SLC4A4: variants seen among roughly 807,000 people sequenced by gnomAD.
SLC4A4 encodes solute carrier family 4 member 4.
Under a neutral mutation model 111.5 loss-of-function variants are expected in SLC4A4, and 27 were observed. The ratio of observed to expected loss-of-function variants is 0.24; its 90% CI spans 0.18 to 0.33. The LOEUF is 0.33. SLC4A4 is among the 10% of genes least tolerant of loss of function. SLC4A4 has a pLI of 1.00. For synonymous variants in SLC4A4, 443 were observed against 463.4 expected, an observed-to-expected ratio of 0.96 and a Z score of 0.57; for missense variants, 909 against 1,315.5, an observed-to-expected ratio of 0.69 and a Z score of 4.78.
intron 20 of SLC4A4, among the ~76,000 whole-genome samples, chr4:71,551,652 T>C (rs28382270): frequency 1.4e-3 from 217 of 152,076 alleles, no homozygotes; most frequent in Non-Finnish European, 2.6e-3. Flanking sequence ...CCTCAGGGTT[T>C]ACAACCATTT....
At chr4:71,252,921 T>C (rs2149057934) in intron 2 of SLC4A4, among the ~76,000 whole-genome samples, 1 of 152,254 alleles carries the variant, frequency 6.6e-6, no homozygotes, top group African/African-American at 2.4e-5. Flanking sequence ...GTAAAGGTGA[T>C]TTTAAAATGC....
At chr4:71,454,081 G>T (rs1184048369) in intron 12 of SLC4A4, among the ~76,000 whole-genome samples, 1 of 152,152 alleles carries the variant, frequency 6.6e-6, no homozygotes, top group East Asian at 1.9e-4. Flanking sequence ...TGAGCAAATA[G>T]CTTCCAACCA....
chr4:71,339,467 C>T lies in SLC4A4; in HGVS notation c.351C>T (p.Ala117=), dbSNP rs773602702. The change falls in exon 4 of 26, where the codon GCC becomes GCT. Residue 117 remains alanine (A), a synonymous_variant. Transcript: ENST00000264485. The part of the protein sequence containing the change: ...QLFTELDELL[A]VDGQEMEWKE... ...TCACGGAACTGGATGAGCTGCTGGCCGTGGATGGGCAGGAGATGGAGTGGA... is the reference window on the plus strand; with the variant it reads ...TCACGGAACTGGATGAGCTGCTGGCTGTGGATGGGCAGGAGATGGAGTGGA... 12 of 1,613,816 alleles carry T rather than the reference C, an allele frequency of 7.4e-6. No homozygotes were observed. Among genetic ancestry groups the T allele is most frequent in the East Asian group, 2.2e-5 (1 of 44,874 alleles).
intron 1 of SLC4A4, among the ~76,000 whole-genome samples, chr4:71,217,128 G>A (rs2602105): frequency 0.028 from 4,188 of 152,252 alleles, 200 homozygotes; most frequent in African/African-American, 0.095. Flanking sequence ...GATTTGCTTT[G>A]ACATTAAAGT....
chr4:71,508,128 A>G (rs988681968), intron 16 of SLC4A4, among the ~76,000 whole-genome samples: 1 of 152,192 alleles, frequency 6.6e-6, no homozygotes, highest in Non-Finnish European at 1.5e-5. Context: ...CCCACATCAA[A>G]AAGCTAGAAA....
At chr4:71,247,621 T>G (rs1188855161) in intron 2 of SLC4A4, among the ~76,000 whole-genome samples, 3 of 152,124 alleles carry the variant, frequency 2.0e-5, no homozygotes, top group Non-Finnish European at 4.4e-5. Flanking sequence ...ACCACTGAAT[T>G]AGCTATTGTT....
chr4:71,296,531 T>C (rs1560387296), intron 3 of SLC4A4, among the ~76,000 whole-genome samples: 2 of 152,146 alleles, frequency 1.3e-5, no homozygotes, highest in Admixed American at 6.5e-5. Flanking sequence ...GTGTATTTTT[T>C]TGGGGGGGAA....
intron 2 of SLC4A4, among the ~76,000 whole-genome samples, chr4:71,109,405 G>A (rs554047815): frequency 1.3e-5 from 2 of 150,078 alleles, no homozygotes; most frequent in South Asian, 4.3e-4. Flanking sequence ...AGGGAGAGAG[G>A]CTTGCAACAA....
In SLC4A4 at chr4:71,155,796, G is replaced by GT. The variant is rs143722315; in HGVS notation, c.-2+63010dup. ...TCCTCTGTATTTCTGTTTTATTGTT[G>GT]TTTTTTGTATGAATTTATCAGAATA... On this transcript the variant is annotated intron_variant, in intron 2 of 26. Transcript: ENST00000649996. 5.3e-3 allele frequency among the ~76,000 whole-genome samples: 804 copies of GT among 152,138 alleles called. 9 individuals are homozygous for GT. Among genetic ancestry groups the GT allele is most frequent in the African/African-American group, 0.018 (764 of 41,518 alleles).
At chr4:71,143,398 G>C (rs142112148) in intron 2 of SLC4A4, among the ~76,000 whole-genome samples, 2 of 152,056 alleles carry the variant, frequency 1.3e-5, no homozygotes, top group African/African-American at 4.8e-5. Flanking sequence ...GAATAGTGCC[G>C]CAGTAGACAT....
intron 24 of SLC4A4, among the ~76,000 whole-genome samples, chr4:71,564,660 T>C (rs998661406): frequency 6.6e-6 from 1 of 152,044 alleles, no homozygotes. Context: ...TGCATCCTTT[T>C]AGATTCAGAT....
At chr4:71,354,479 G>T (rs1241625729) in intron 5 of SLC4A4, among the ~76,000 whole-genome samples, 1 of 152,140 alleles carries the variant, frequency 6.6e-6, no homozygotes, top group African/African-American at 2.4e-5. Flanking sequence ...CATCAGAAAT[G>T]GAATTGCCCA....
chr4:71,127,273 G>A (rs1743585898), intron 2 of SLC4A4, among the ~76,000 whole-genome samples: 1 of 152,140 alleles, frequency 6.6e-6, no homozygotes, highest in South Asian at 2.1e-4. Context: ...ATGCTAGCGA[G>A]GGGTCCTGAA....
intron 7 of SLC4A4, among the ~76,000 whole-genome samples, chr4:71,422,838 C>T (rs1722687595): frequency 6.6e-6 from 1 of 152,114 alleles, no homozygotes; most frequent in African/African-American, 2.4e-5. Flanking sequence ...GGATGTATTT[C>T]AAAATAATAA....
chr4:71,282,295 G>T (rs1359015357), intron 3 of SLC4A4, among the ~76,000 whole-genome samples: 1 of 149,840 alleles, frequency 6.7e-6, no homozygotes, highest in African/African-American at 2.5e-5. Flanking sequence ...CCCTAAAGAT[G>T]ATTTTTTTTT....
At chr4:71,378,076 GA>G (rs1732584619) in intron 6 of SLC4A4, among the ~76,000 whole-genome samples, 1 of 152,136 alleles carries the variant, frequency 6.6e-6, no homozygotes. Context: ...CAGTCCCCAT[GA>G]TTCAATTACC....
intron 14 of SLC4A4, among the ~76,000 whole-genome samples, chr4:71,479,445 T>C (rs771364764): frequency 1.3e-5 from 2 of 151,744 alleles, no homozygotes; most frequent in Non-Finnish European, 2.9e-5. Flanking sequence ...TGCAACAATA[T>C]GTTATAGCCA....
intron 7 of SLC4A4, among the ~76,000 whole-genome samples, chr4:71,439,454 A>AAAAG (rs1724491499): frequency 6.9e-6 from 1 of 144,724 alleles, no homozygotes; most frequent in Non-Finnish European, 1.5e-5. Context: ...AAAAAAAAAA[A>AAAAG]AAAAAAAAAA....
chr4:71,159,670 G>C (rs767709263), intron 2 of SLC4A4, among the ~76,000 whole-genome samples: 15 of 152,076 alleles, frequency 9.9e-5, no homozygotes, highest in Non-Finnish European at 1.9e-4. Context: ...AGCTAACTTG[G>C]GTAAATATTT....
Sources: allele counts gnomAD v4.1 joint callset (sites outside exome capture counted in the v4.1 genomes callset), GRCh38; gene constraint gnomAD v4.1.1; transcripts MANE v1.5; gene names NCBI Gene and HGNC (gene_info 2026-07-23, HGNC 2026-07-21).